The following AMOTL1 variants were observed in gnomAD, a reference collection of about 807,000 sequenced individuals.
AMOTL1 encodes angiomotin-like protein 1.
Under a neutral mutation model 102.9 loss-of-function variants are expected in AMOTL1, and 45 were observed. The ratio of observed to expected loss-of-function variants is 0.44; its 90% CI spans 0.34 to 0.56. The LOEUF (loss-of-function observed/expected upper bound fraction) is 0.56, where lower values mean the gene tolerates loss of function less well. Ranked by LOEUF, AMOTL1 falls within the 20% of genes least tolerant of loss-of-function variation. The probability of loss-of-function intolerance (pLI) is 0.01; values close to 1 mark genes in which losing one functional copy is unlikely to be tolerated. For synonymous variants in AMOTL1, 481 were observed against 484.7 expected (o/e 0.99, Z 0.10); for missense variants, 1,114 against 1,225.6 (o/e 0.91, Z 1.36).
At chr11:94,823,387 C>T (rs1450339516) in intron 4 of AMOTL1, among the ~76,000 whole-genome samples, 2 of 152,078 alleles carry the variant, frequency 1.3e-5, no homozygotes, top group Non-Finnish European at 2.9e-5. Context: ...CCTCTTGCAC[C>T]CTTAGAAGTT....
chr11:94,783,880 C>T (rs200684403), intron 1 of AMOTL1, among the ~76,000 whole-genome samples: 2 of 151,828 alleles, frequency 1.3e-5, no homozygotes, highest in Middle Eastern at 3.2e-3. Context: ...TTGCTGCCAA[C>T]GACCCATGAT....
At chr11:94,825,233 G>A (rs1364936782) in intron 4 of AMOTL1, among the ~76,000 whole-genome samples, 2 of 152,244 alleles carry the variant, frequency 1.3e-5, no homozygotes, top group Non-Finnish European at 2.9e-5. Context: ...AGAGGGCCAA[G>A]TATTAACAGT....
chr11:94,830,039 C>T lies in AMOTL1; in HGVS notation c.1414-11C>T. 1 of 1,585,194 alleles carries T rather than the reference C, an allele frequency of 6.3e-7. No homozygotes were observed. The highest frequency in any genetic ancestry group is 8.6e-7 in the Non-Finnish European group (1 of 1,168,718). On this transcript the variant is annotated splice_polypyrimidine_tract_variant and intron_variant, in intron 4 of 12. Transcript: ENST00000433060. ...CAAAGGTACCACTTTAATGCCAGTTCTTTCTTTTAGTTTGAAAAAGAACTT... is the reference window on the plus strand; with the variant it reads ...CAAAGGTACCACTTTAATGCCAGTTTTTTCTTTTAGTTTGAAAAAGAACTT...
At chr11:94,832,156 A>G (rs1952085920) in intron 6 of AMOTL1, among the ~76,000 whole-genome samples, 1 of 152,266 alleles carries the variant, frequency 6.6e-6, no homozygotes, top group African/African-American at 2.4e-5. Context: ...CCATTGGTCA[A>G]GGTTTGAATT....
intron 8 of AMOTL1, among the ~76,000 whole-genome samples, chr11:94,855,414 T>G (rs952439691): frequency 6.6e-6 from 1 of 152,216 alleles, no homozygotes; most frequent in African/African-American, 2.4e-5. Flanking sequence ...CCACATACTT[T>G]GGCACAGAGT....
At chr11:94,773,287 T>G (rs1429324725) in intron 1 of AMOTL1, among the ~76,000 whole-genome samples, 1 of 152,242 alleles carries the variant, frequency 6.6e-6, no homozygotes, top group Non-Finnish European at 1.5e-5. Context: ...CTAAGAACAT[T>G]TTGCCTAGAC....
At chr11:94,842,459 G>T (rs1056378860) in intron 6 of AMOTL1, among the ~76,000 whole-genome samples, 1 of 152,154 alleles carries the variant, frequency 6.6e-6, no homozygotes, top group Non-Finnish European at 1.5e-5. Flanking sequence ...TTTAGGGTGG[G>T]CCTTGAAAAG....
chr11:94,737,129 C>A (rs1950449517), intron 2 of AMOTL1, among the ~76,000 whole-genome samples: 1 of 152,148 alleles, frequency 6.6e-6, no homozygotes, highest in Non-Finnish European at 1.5e-5. Flanking sequence ...ACAAGTCATC[C>A]ATTTATATGA....
At chr11:94,843,243 C>T (rs775669550) in intron 6 of AMOTL1, among the ~76,000 whole-genome samples, 1 of 152,218 alleles carries the variant, frequency 6.6e-6, no homozygotes, top group East Asian at 1.9e-4. Context: ...GATCGTGTTT[C>T]ATGTTGTTTT....
intron 3 of AMOTL1, among the ~76,000 whole-genome samples, chr11:94,812,121 T>A (rs7939566): frequency 0.27 from 41,201 of 152,116 alleles, 6,173 homozygotes; most frequent in East Asian, 0.46. Context: ...GATCCGAGCC[T>A]TAAAGGTATC....
intron 1 of AMOTL1, among the ~76,000 whole-genome samples, chr11:94,774,577 G>A (rs898005889): frequency 2.0e-5 from 3 of 152,216 alleles, no homozygotes; most frequent in Non-Finnish European, 4.4e-5. Flanking sequence ...TTCCAGGACA[G>A]TTGTTCTCAA....
chr11:94,762,983 C>A (rs376748501), intron 3 of AMOTL1, among the ~76,000 whole-genome samples: 1 of 152,164 alleles, frequency 6.6e-6, no homozygotes, highest in Admixed American at 6.5e-5. Context: ...AGAGCCTGGT[C>A]CTCAGTAGGT....
intron 1 of AMOTL1, among the ~76,000 whole-genome samples, chr11:94,715,370 TA>T (rs1475252462): frequency 1.3e-5 from 2 of 152,136 alleles, no homozygotes; most frequent in Admixed American, 1.3e-4. Flanking sequence ...GGGGTCTTGC[TA>T]TATTGCCCAG....
intron 1 of AMOTL1, among the ~76,000 whole-genome samples, chr11:94,710,466 A>T (rs902285192): frequency 3.9e-5 from 6 of 152,166 alleles, no homozygotes; most frequent in Admixed American, 3.3e-4. Flanking sequence ...ATGCCATCTC[A>T]CAAGGTTCGT....
In AMOTL1 at chr11:94,731,725, G is replaced by C. The variant is rs1403947467; in HGVS notation, c.85+2670G>C. ...TTGGCCTGAAGAGGCTGAGAAACTT[G>C]TACGACATCATTCAGCTCACAAATG... On this transcript the variant is annotated intron_variant, in intron 2 of 4. Transcript: ENST00000299004. 2.0e-5 allele frequency among the ~76,000 whole-genome samples: 3 copies of C among 152,222 alleles called. No individual in the cohort carries two copies. In the East Asian group the frequency reaches 5.8e-4, roughly 29 times the overall value.
chr11:94,733,310 C>A (rs1046049379), intron 2 of AMOTL1, among the ~76,000 whole-genome samples: 2 of 152,202 alleles, frequency 1.3e-5, no homozygotes, highest in Non-Finnish European at 2.9e-5. Flanking sequence ...TAATGGAATC[C>A]ATTATCTGTG....
At chr11:94,828,913 A>C (rs1377485965) in intron 4 of AMOTL1, among the ~76,000 whole-genome samples, 1 of 152,082 alleles carries the variant, frequency 6.6e-6, no homozygotes, top group African/African-American at 2.4e-5. Context: ...GCATCTCATC[A>C]AGCATCCATC....
At chr11:94,759,325 C>G (rs1342174142) in intron 3 of AMOTL1, among the ~76,000 whole-genome samples, 2 of 152,114 alleles carry the variant, frequency 1.3e-5, no homozygotes, top group Non-Finnish European at 2.9e-5. Context: ...CACATAGGTG[C>G]TGCATTTATA....
chr11:94,796,207 A>G (rs1253705352), intron 2 of AMOTL1, among the ~76,000 whole-genome samples: 3 of 152,308 alleles, frequency 2.0e-5, no homozygotes, highest in Admixed American at 6.5e-5. Context: ...ATACATTCCT[A>G]TGAGGCAGAT....
Sources: gnomAD v4.1 joint callset for allele counts (sites outside exome capture counted in the v4.1 genomes callset) on GRCh38, gnomAD v4.1.1 for gene constraint, MANE v1.5 for transcripts, NCBI Gene and HGNC (gene_info 2026-07-23, HGNC 2026-07-21) for gene names.